LOXHD1: variants seen among roughly 807,000 people sequenced by gnomAD.
LOXHD1 encodes lipoxygenase homology domain-containing protein 1.
Under a neutral mutation model 248.2 loss-of-function variants are expected in LOXHD1, and 205 were observed. The ratio of observed to expected loss-of-function variants is 0.83; its 90% CI spans 0.74 to 0.93. The LOEUF is 0.93. LOXHD1 is among the 40% of genes least tolerant of loss of function. The probability of loss-of-function intolerance (pLI) is 0.00; values close to 1 mark genes in which losing one functional copy is unlikely to be tolerated. For synonymous variants in LOXHD1, 1,113 were observed against 1,162.8 expected (o/e 0.96, Z 0.87); for missense variants, 2,930 against 2,971.6 (o/e 0.99, Z 0.33).
chr18:46,533,450 G>T, intron 27 of LOXHD1, 126 bp from the exon 28 acceptor site: 1 of 963,284 alleles, frequency 1.0e-6, no homozygotes, highest in South Asian at 1.7e-5. Context: ...TAATGTAAAA[G>T]CCACAGGAGA....
chr18:46,491,943 T>C (rs1215201282), intron 37 of LOXHD1, among the ~76,000 whole-genome samples: 1 of 152,228 alleles, frequency 6.6e-6, no homozygotes, highest in East Asian at 1.9e-4. Flanking sequence ...ATTGGCATTG[T>C]CTGACCCCAT....
At chr18:46,555,823 T>C (rs1419792598) in intron 21 of LOXHD1, among the ~76,000 whole-genome samples, 2 of 151,950 alleles carry the variant, frequency 1.3e-5, no homozygotes, top group African/African-American at 4.8e-5. Context: ...CACTGACTGA[T>C]TATGGGGCTG....
At chr18:46,555,198 T>C (rs562554887) in intron 21 of LOXHD1, 12 of 470,972 alleles carry the variant, frequency 2.5e-5, no homozygotes, top group African/African-American at 1.6e-4. Context: ...TGGCACTTTT[T>C]CCTTTCCAAG....
intron 14 of LOXHD1, among the ~76,000 whole-genome samples, chr18:46,574,388 T>TACACACACACACACACAC (rs569144159): frequency 0.13 from 15,656 of 124,946 alleles, 1,301 homozygotes; most frequent in African/African-American, 0.21. Context: ...TGTGTACACA[T>TACACACACACACACACAC]ACACACACAC....
chr18:46,503,411 T>C (rs1465323309), intron 37 of LOXHD1, among the ~76,000 whole-genome samples: 1 of 152,186 alleles, frequency 6.6e-6, no homozygotes, highest in South Asian at 2.1e-4. Context: ...ATACACAGAA[T>C]GTGGCTCAAT....
chr18:46,619,569 C>A (rs2038639597), intron 4 of LOXHD1, among the ~76,000 whole-genome samples: 2 of 152,208 alleles, frequency 1.3e-5, no homozygotes, highest in Admixed American at 6.5e-5. Context: ...ATTACAGTCT[C>A]ATTAAGTACG....
chr18:46,592,142 C>T (rs2038181868), intron 11 of LOXHD1, 74 bp from the exon 12 acceptor site: 3 of 1,528,752 alleles, frequency 2.0e-6, no homozygotes, highest in East Asian at 4.9e-5. Flanking sequence ...CCCCATTCTG[C>T]TATCTCATTG....
Position 46,557,488 on chromosome 18 carries a change from G to C in LOXHD1, c.3218C>G (p.Thr1073Arg), listed in dbSNP as rs1353205519. 3.4e-5 allele frequency: 53 copies of C among 1,551,772 alleles called. No individual in the cohort carries two copies. The highest frequency in any genetic ancestry group is 4.5e-5 in the Non-Finnish European group (52 of 1,147,056). The change falls in exon 21 of 41, where the codon ACA becomes AGA. Residue 1073 changes from threonine to arginine, a missense_variant and splice_region_variant. Transcript: ENST00000642948. The stretch of plus-strand genomic sequence containing the variant: ...AATGGCATAGATGGTGAAGGTGTCT[G>C]TCTGGGAAGGGCCAGGGAACACTCA... ...DKSNKFEQGQ[T>R]DTFTIYAIDL...
intron 4 of LOXHD1, among the ~76,000 whole-genome samples, chr18:46,627,336 T>C (rs1190651093): frequency 1.3e-5 from 2 of 152,058 alleles, no homozygotes; most frequent in African/African-American, 4.8e-5. Flanking sequence ...TTTCTCTGAC[T>C]CTCACTGGGC....
chr18:46,575,670 C>T (rs1417917538), intron 14 of LOXHD1, among the ~76,000 whole-genome samples: 3 of 152,150 alleles, frequency 2.0e-5, no homozygotes, highest in Admixed American at 6.5e-5. Flanking sequence ...CTAGCGCCTT[C>T]TGAGGGGTGC....
chr18:46,482,035 G>A (rs1245226728), intron 40 of LOXHD1, among the ~76,000 whole-genome samples: 10 of 152,198 alleles, frequency 6.6e-5, no homozygotes, highest in Non-Finnish European at 1.5e-4. Context: ...CTTAGGCCTG[G>A]CCCTGACTTG....
intron 34 of LOXHD1, among the ~76,000 whole-genome samples, chr18:46,517,554 T>C (rs1304622919): frequency 6.6e-6 from 1 of 152,234 alleles, no homozygotes; most frequent in Non-Finnish European, 1.5e-5. Flanking sequence ...TTAGTGTTGC[T>C]GTTATTGCCC....
intron 37 of LOXHD1, among the ~76,000 whole-genome samples, chr18:46,502,624 C>A (rs1029964946): frequency 6.6e-6 from 1 of 152,140 alleles, no homozygotes; most frequent in Non-Finnish European, 1.5e-5. Flanking sequence ...GAGTCAGAAC[C>A]ACGGACAGCT....
chr18:46,596,625 G>C (rs2038260648), intron 8 of LOXHD1, among the ~76,000 whole-genome samples: 1 of 152,190 alleles, frequency 6.6e-6, no homozygotes, highest in Non-Finnish European at 1.5e-5. Flanking sequence ...CTTTGCTCCA[G>C]ACAGAAAATA....
At chr18:46,481,894 A>G (rs2032605443) in intron 40 of LOXHD1, among the ~76,000 whole-genome samples, 1 of 152,138 alleles carries the variant, frequency 6.6e-6, no homozygotes, top group Non-Finnish European at 1.5e-5. Context: ...CTCGGCCAAC[A>G]TTGTGGGTTT....
intron 22 of LOXHD1, among the ~76,000 whole-genome samples, chr18:46,546,055 TAG>T (rs1300279759): frequency 6.6e-6 from 1 of 151,914 alleles, no homozygotes; most frequent in African/African-American, 2.4e-5. Context: ...CTTCAATCAA[TAG>T]AGTTGATAGG....
intron 39 of LOXHD1, among the ~76,000 whole-genome samples, chr18:46,484,673 C>T (rs2032885481): frequency 6.6e-6 from 1 of 152,128 alleles, no homozygotes; most frequent in Admixed American, 6.5e-5. Flanking sequence ...CTCAGCAGTC[C>T]TGGAGAGAGT....
chr18:46,654,761 C>CTCA (rs1489487856), intron 1 of LOXHD1, among the ~76,000 whole-genome samples: 2 of 152,172 alleles, frequency 1.3e-5, no homozygotes, highest in Non-Finnish European at 2.9e-5. Context: ...ACAGCTGGAG[C>CTCA]TCAGCATGTG....
chr18:46,560,263 CTGA>C lies in LOXHD1; in HGVS notation c.2878_2880del (p.Ser960del), dbSNP rs1344388052. Reference sequence around the variant, plus strand: ...TCCTCCTCCTCTGACGAGGACTCCTCTGATGAGGACGACTCCTCTTCCTCCCCC... The same window carrying C: ...TCCTCCTCCTCTGACGAGGACTCCTCTGAGGACGACTCCTCTTCCTCCCCC... On this transcript the variant is annotated inframe_deletion, in exon 19 of 41. Coordinates refer to ENST00000642948, the MANE Select transcript of LOXHD1 (RefSeq NM_001384474.1). 1.9e-6 allele frequency: 3 copies of C among 1,551,802 alleles called. No individual in the cohort carries two copies.
Sources: allele counts gnomAD v4.1 joint callset (sites outside exome capture counted in the v4.1 genomes callset), GRCh38; gene constraint gnomAD v4.1.1; transcripts MANE v1.5; gene names NCBI Gene and HGNC (gene_info 2026-07-23, HGNC 2026-07-21).